SGCZ: variants seen among roughly 807,000 people sequenced by gnomAD.
SGCZ encodes sarcoglycan zeta, also known as zeta-sarcoglycan.
In SGCZ, 40 loss-of-function variants were observed where a neutral mutation model predicts 41.3. The observed-to-expected ratio is 0.97, with a 90% CI of 0.75 to 1.26. SGCZ has a LOEUF of 1.26. SGCZ is among the 50% of genes most tolerant of loss of function. The pLI is 0.00. For synonymous variants in SGCZ, 206 were observed against 137.5 expected, an observed-to-expected ratio of 1.50 and a Z score of -3.49; for missense variants, 552 against 369.8, an observed-to-expected ratio of 1.49 and a Z score of -4.04.
intron 1 of SGCZ, among the ~76,000 whole-genome samples, chr8:14,896,287 C>A (rs1805196165): frequency 6.6e-6 from 1 of 152,060 alleles, no homozygotes; most frequent in African/African-American, 2.4e-5. Context: ...TGAAAGATAT[C>A]TGGGGAAAGA....
chr8:14,644,341 G>T (rs944950639), intron 1 of SGCZ, among the ~76,000 whole-genome samples: 1 of 151,734 alleles, frequency 6.6e-6, no homozygotes, highest in Non-Finnish European at 1.5e-5. Context: ...AGAAATTCTG[G>T]ATCAAGGCTG....
chr8:14,429,924 A>G (rs528483761), intron 2 of SGCZ, among the ~76,000 whole-genome samples: 5 of 152,150 alleles, frequency 3.3e-5, no homozygotes, highest in African/African-American at 1.2e-4. Flanking sequence ...TATCTCCTCT[A>G]GTTTTCTAAT....
chr8:15,031,604 G>A (rs1206719752), intron 1 of SGCZ, among the ~76,000 whole-genome samples: 1 of 152,162 alleles, frequency 6.6e-6, no homozygotes, highest in African/African-American at 2.4e-5. Context: ...GTGCAAGGTT[G>A]GCAGCTAGTG....
chr8:14,273,516 C>A (rs1258241671), intron 3 of SGCZ, among the ~76,000 whole-genome samples: 1 of 152,164 alleles, frequency 6.6e-6, no homozygotes, highest in Non-Finnish European at 1.5e-5. Flanking sequence ...TGATGGATTT[C>A]CCAATCCTCA....
At chr8:14,977,969 G>A (rs910424023) in intron 1 of SGCZ, among the ~76,000 whole-genome samples, 1 of 150,878 alleles carries the variant, frequency 6.6e-6, no homozygotes, top group Non-Finnish European at 1.5e-5. Context: ...GCATAAATTT[G>A]ATTCCATTTC....
chr8:15,186,509 T>C (rs992716591), intron 1 of SGCZ, among the ~76,000 whole-genome samples: 2 of 152,074 alleles, frequency 1.3e-5, no homozygotes, highest in Admixed American at 6.6e-5. Context: ...GTGAACACAG[T>C]CCTTTCTAAA....
chr8:14,820,853 C>T (rs375913282), intron 1 of SGCZ, among the ~76,000 whole-genome samples: 2 of 141,422 alleles, frequency 1.4e-5, no homozygotes, highest in East Asian at 4.4e-4. Flanking sequence ...GGGAGGTTAG[C>T]AATAAACCCC....
At chr8:14,244,165 T>C (rs1389617518) in intron 3 of SGCZ, among the ~76,000 whole-genome samples, 2 of 150,436 alleles carry the variant, frequency 1.3e-5, no homozygotes, top group Non-Finnish European at 3.0e-5. Flanking sequence ...CTCTTCCTTC[T>C]TCCTCCTCCT....
chr8:14,333,926 G>C (rs1434949801), intron 2 of SGCZ, among the ~76,000 whole-genome samples: 1 of 152,112 alleles, frequency 6.6e-6, no homozygotes, highest in Admixed American at 6.5e-5. Flanking sequence ...TAAAGATTCA[G>C]TTGCGTCCTA....
chr8:14,266,914 A>G (rs535570564), intron 3 of SGCZ, among the ~76,000 whole-genome samples: 1 of 152,254 alleles, frequency 6.6e-6, no homozygotes, highest in Non-Finnish European at 1.5e-5. Flanking sequence ...AAGACAAAAT[A>G]TGAAGAGCTA....
At chr8:14,737,451 A>G (rs140149145) in intron 1 of SGCZ, among the ~76,000 whole-genome samples, 2 of 152,114 alleles carry the variant, frequency 1.3e-5, no homozygotes, top group Non-Finnish European at 2.9e-5. Context: ...ATTTCAATCA[A>G]TCCTCCTTCA....
intron 3 of SGCZ, among the ~76,000 whole-genome samples, chr8:14,247,351 A>G (rs1799138963): frequency 6.6e-6 from 1 of 152,136 alleles, no homozygotes; most frequent in African/African-American, 2.4e-5. Context: ...AACCGATAAT[A>G]CGGATGGTAT....
intron 1 of SGCZ, among the ~76,000 whole-genome samples, chr8:14,571,550 A>T (rs929959997): frequency 1.6e-4 from 24 of 152,060 alleles, no homozygotes; most frequent in African/African-American, 5.6e-4. Context: ...TTGATTTTAG[A>T]TACTCTCAAT....
chr8:15,154,215 G>A (rs117703792), intron 1 of SGCZ, among the ~76,000 whole-genome samples: 29 of 152,278 alleles, frequency 1.9e-4, no homozygotes, highest in Non-Finnish European at 3.2e-4. Context: ...ACCTAACACA[G>A]TCAGCTTTCA....
chr8:14,223,568 C>T (rs143551218), intron 4 of SGCZ, among the ~76,000 whole-genome samples: 282 of 151,800 alleles, frequency 1.9e-3, no homozygotes, highest in Middle Eastern at 6.8e-3. Flanking sequence ...AATTAGTGAG[C>T]TGTTGGAACT....
At chr8:14,530,582 C>A (rs188741028) in intron 2 of SGCZ, among the ~76,000 whole-genome samples, 1 of 152,176 alleles carries the variant, frequency 6.6e-6, no homozygotes, top group South Asian at 2.1e-4. Flanking sequence ...GATTGGCACA[C>A]AGCAGTAACA....
intron 1 of SGCZ, among the ~76,000 whole-genome samples, chr8:15,230,943 T>A (rs532967366): frequency 2.8e-4 from 42 of 152,188 alleles, no homozygotes; most frequent in Non-Finnish European, 4.4e-4. Context: ...ATCCCCAAGG[T>A]GCCACTACTG....
chr8:14,755,242 A>G lies in SGCZ; in HGVS notation c.40-200316T>C, dbSNP rs369433758. ...TCTTGTTTGATTTTTTTAAAAAAAA[A>G]CAGCATTTGTTTGCTGTTTGTTTGC... On this transcript the variant is annotated intron_variant, in intron 1 of 7. Coordinates refer to ENST00000382080, the MANE Select transcript of SGCZ (RefSeq NM_139167.4). 3.6e-4 allele frequency among the ~76,000 whole-genome samples: 55 copies of G among 152,250 alleles called. No individual in the cohort carries two copies. The East Asian group carries it at 9.4e-3, about 26-fold the overall frequency.
intron 1 of SGCZ, among the ~76,000 whole-genome samples, chr8:15,190,543 C>T (rs976129112): frequency 2.0e-5 from 3 of 151,994 alleles, no homozygotes; most frequent in African/African-American, 7.2e-5. Flanking sequence ...AAGAGTGGCC[C>T]AGAGACTTGT....
Sources: allele counts gnomAD v4.1 joint callset (sites outside exome capture counted in the v4.1 genomes callset), GRCh38; gene constraint gnomAD v4.1.1; transcripts MANE v1.5; gene names NCBI Gene and HGNC (gene_info 2026-07-23, HGNC 2026-07-21).